Variants in KANSL2 observed in about 807,000 individuals in gnomAD.
KANSL2 encodes the protein KAT8 regulatory NSL complex subunit 2, also known as NSL complex protein NSL2.
A neutral mutation model predicts 55.6 loss-of-function variants in KANSL2; 34 were observed. The observed-to-expected ratio is 0.61, with a 90% CI of 0.46 to 0.81. The LOEUF (loss-of-function observed/expected upper bound fraction) is 0.81, where lower values mean the gene tolerates loss of function less well. KANSL2 is among the 40% of genes least tolerant of loss of function. KANSL2 has a pLI of 0.00. For missense variants in KANSL2, 502 were observed against 609.9 expected, an observed-to-expected ratio of 0.82 and a Z score of 1.86; for synonymous variants, 209 against 214.3, an observed-to-expected ratio of 0.98 and a Z score of 0.22.
chr12:48,657,094 C>T (rs555055302), intron 8 of KANSL2, among the ~76,000 whole-genome samples: 30 of 152,222 alleles, frequency 2.0e-4, no homozygotes, highest in African/African-American at 6.3e-4. Flanking sequence ...CTACTTAAAG[C>T]TGCTCAGGCC....
chr12:48,664,857 C>A (rs937992857), intron 7 of KANSL2, among the ~76,000 whole-genome samples: 4 of 144,872 alleles, frequency 2.8e-5, no homozygotes, highest in African/African-American at 7.7e-5. Context: ...GCTGGAATTA[C>A]AGGTGTGAGC....
intron 2 of KANSL2, among the ~76,000 whole-genome samples, chr12:48,680,474 G>A (rs1939900936): frequency 6.6e-6 from 1 of 152,120 alleles, no homozygotes; most frequent in African/African-American, 2.4e-5. Flanking sequence ...TTACAGGCAT[G>A]AGCCACTGCG....
rs1328494674 is a variant in KANSL2 at position 48,669,115 on chromosome 12, A to T, written c.867T>A (p.Ala289=). Residue 289 remains alanine (A), a synonymous_variant, in exon 6 of 10, where the codon GCT becomes GCA. Transcript: ENST00000420613. ...TATACACACAAATTACCTGTTGGGC[A>T]GCACCATCTGTGGCCAGCATTCTCC... ...KERRMLATDG[A]AQQAHTTRSS... 1 of 1,545,410 alleles carries T rather than the reference A, an allele frequency of 6.5e-7. No individual in the cohort carries two copies. Among genetic ancestry groups the T allele is most frequent in the Admixed American group, 2.0e-5 (1 of 49,152 alleles).
intron 4 of KANSL2, among the ~76,000 whole-genome samples, chr12:48,672,417 A>G (rs1407549146): frequency 1.8e-5 from 2 of 113,518 alleles, no homozygotes; most frequent in Non-Finnish European, 3.8e-5. Flanking sequence ...ACGTATATAT[A>G]TATATATATA....
At chr12:48,680,066 AGGCT>A (rs1939892125) in intron 2 of KANSL2, 1 of 445,074 alleles carries the variant, frequency 2.2e-6, no homozygotes. Flanking sequence ...GCACTTTGGG[AGGCT>A]GAGGCAAGGG....
chr12:48,656,995 T>C (rs1185400991), intron 8 of KANSL2, among the ~76,000 whole-genome samples: 1 of 152,230 alleles, frequency 6.6e-6, no homozygotes, highest in Non-Finnish European at 1.5e-5. Context: ...TCTAAGAATT[T>C]GCAATCCTTT....
At chr12:48,670,664 A>C (rs1270186416) in intron 5 of KANSL2, among the ~76,000 whole-genome samples, 5 of 152,174 alleles carry the variant, frequency 3.3e-5, no homozygotes, top group Admixed American at 3.3e-4. Flanking sequence ...TTTTCTTAAA[A>C]ATTTTTTTAA....
intron 7 of KANSL2, among the ~76,000 whole-genome samples, chr12:48,666,990 G>A (rs1406516089): frequency 6.6e-6 from 1 of 152,088 alleles, no homozygotes; most frequent in African/African-American, 2.4e-5. Flanking sequence ...AGACCAGCCT[G>A]GCCAACATGG....
chr12:48,656,063 T>C (rs1441993382), intron 8 of KANSL2, among the ~76,000 whole-genome samples: 2 of 152,200 alleles, frequency 1.3e-5, no homozygotes, highest in African/African-American at 4.8e-5. Context: ...TGAACAATGC[T>C]ACGTTAAAAT....
intron 4 of KANSL2, among the ~76,000 whole-genome samples, chr12:48,675,274 C>T (rs1166953274): frequency 6.6e-6 from 1 of 151,852 alleles, no homozygotes; most frequent in African/African-American, 2.4e-5. Flanking sequence ...GGCACAGCGG[C>T]GTGCGCCTGT....
intron 6 of KANSL2, among the ~76,000 whole-genome samples, chr12:48,668,806 C>T (rs1226140105): frequency 1.3e-5 from 2 of 152,080 alleles, no homozygotes; most frequent in Non-Finnish European, 2.9e-5. Flanking sequence ...CTTTGGGAGG[C>T]CGAGGTGGGT....
intron 5 of KANSL2, among the ~76,000 whole-genome samples, chr12:48,670,067 G>C (rs1228076557): frequency 1.3e-5 from 2 of 151,902 alleles, no homozygotes; most frequent in East Asian, 3.9e-4. Context: ...TGGGCGTGGT[G>C]GCATGCGCCT....
At chr12:48,672,569 T>A (rs1939746077) in intron 4 of KANSL2, among the ~76,000 whole-genome samples, 1 of 151,344 alleles carries the variant, frequency 6.6e-6, no homozygotes, top group Non-Finnish European at 1.5e-5. Flanking sequence ...TAGCTGGGAC[T>A]ACAGGTGTGC....
Position 48,679,743 on chromosome 12 carries a change from T to TG in KANSL2, c.341dup (p.Leu115ThrfsTer10). On this transcript the variant is annotated frameshift_variant, in exon 3 of 10. Coordinates refer to ENST00000420613, the MANE Select transcript of KANSL2 (RefSeq NM_017822.4). LOFTEE classifies it high-confidence loss of function. Reference sequence around the variant, plus strand: ...CATATGAGCTCAGCTGGCACAGGAGTGTTTCACCCACAGGCCCTGGGTTGG... The same window carrying TG: ...CATATGAGCTCAGCTGGCACAGGAGTGGTTTCACCCACAGGCCCTGGGTTGG... 6.2e-7 allele frequency: 1 copy of TG among 1,611,430 alleles called. No homozygotes were observed. The highest frequency in any genetic ancestry group is 8.5e-7 in the Non-Finnish European group (1 of 1,178,840).
chr12:48,663,252 T>C (rs1048056270), intron 7 of KANSL2, among the ~76,000 whole-genome samples: 4 of 152,194 alleles, frequency 2.6e-5, no homozygotes, highest in Non-Finnish European at 5.9e-5. Flanking sequence ...TGAGGAAATA[T>C]GAATTACTGT....
In KANSL2 at chr12:48,653,889, T is replaced by C; in HGVS notation, c.*155A>G. 3.2e-6 allele frequency: 2 copies of C among 631,376 alleles called. No individual in the cohort carries two copies. The highest frequency in any genetic ancestry group is 5.1e-6 in the Non-Finnish European group (2 of 393,082). The allele number at this position is 631,376 out of a possible 1,614,324, so 39.1% of individuals were successfully genotyped here. ...AGTGGGAAGAAACCCACGGTCCACG[T>C]CCTCAAAATTTGGCTTTACGTTTGA... is the stretch of plus-strand genomic sequence containing the variant. On this transcript the variant is annotated 3_prime_UTR_variant, in exon 10 of 10. Transcript: ENST00000420613.
intron 1 of KANSL2, 168 bp from the exon 2 acceptor site, chr12:48,681,809 G>A (rs979945294): frequency 4.9e-6 from 4 of 820,258 alleles, no homozygotes; most frequent in Non-Finnish European, 6.1e-6. Flanking sequence ...CTGTGGCTTT[G>A]CCTCCCTTTA....
In KANSL2 at chr12:48,654,116, T is replaced by C. The variant is rs758316638; in HGVS notation, c.1407A>G (p.Lys469=). The C allele has an allele frequency of 3.1e-6, 5 of 1,613,154 alleles. No individual in the cohort carries two copies. Among genetic ancestry groups the C allele is most frequent in the Non-Finnish European group, 8.5e-7 (1 of 1,179,466 alleles). The change falls in exon 10 of 10, where the codon AAA becomes AAG. Residue 469 remains lysine (K), a synonymous_variant. Transcript: ENST00000420613. The stretch of plus-strand genomic sequence containing the variant: ...CACTCTGAGACAATGGTGCAGAGGC[T>C]TTCTCAGAATTTCGAGATCCCTGGG... ...CRSQGSRNSE[K]ASAPLSQSGL...
chr12:48,673,631 T>C (rs1939768595), intron 4 of KANSL2, among the ~76,000 whole-genome samples: 1 of 151,568 alleles, frequency 6.6e-6, no homozygotes, highest in South Asian at 2.1e-4. Flanking sequence ...GACTGTTCTC[T>C]GGCTCTGATT....
Sources: allele counts gnomAD v4.1 joint callset (sites outside exome capture counted in the v4.1 genomes callset), GRCh38; gene constraint gnomAD v4.1.1; transcripts MANE v1.5; gene names NCBI Gene and HGNC (gene_info 2026-07-23, HGNC 2026-07-21).